TTC39B: variants seen among roughly 807,000 people sequenced by gnomAD.
The protein encoded by TTC39B is tetratricopeptide repeat protein 39B.
Under a neutral mutation model 96.6 loss-of-function variants are expected in TTC39B, and 92 were observed. The observed-to-expected ratio is 0.95, with a 90% confidence interval of 0.80 to 1.13. TTC39B has a LOEUF of 1.13. TTC39B is among the 50% of genes most tolerant of loss of function. The pLI is 0.00. For synonymous variants in TTC39B, 367 were observed against 299.4 expected (o/e 1.23, Z -2.33); for missense variants, 955 against 809.3 (o/e 1.18, Z -2.18).
chr9:15,265,555 A>G (rs1178431515), intron 2 of TTC39B, among the ~76,000 whole-genome samples: 1 of 152,176 alleles, frequency 6.6e-6, no homozygotes, highest in Non-Finnish European at 1.5e-5. Flanking sequence ...TAATTATAAG[A>G]TTTCTGAATG....
intron 17 of TTC39B, among the ~76,000 whole-genome samples, chr9:15,180,733 T>C (rs1483691610): frequency 6.6e-6 from 1 of 152,200 alleles, no homozygotes; most frequent in Non-Finnish European, 1.5e-5. Context: ...CTCTGAAGGA[T>C]AGGAGCTTAA....
chr9:15,233,122 T>A (rs1821522694), intron 2 of TTC39B, among the ~76,000 whole-genome samples: 1 of 152,136 alleles, frequency 6.6e-6, no homozygotes, highest in African/African-American at 2.4e-5. Flanking sequence ...AGCCTTCAGA[T>A]AACACCAGGG....
intron 2 of TTC39B, among the ~76,000 whole-genome samples, chr9:15,248,594 A>C (rs188919729): frequency 5.6e-5 from 8 of 144,078 alleles, no homozygotes; most frequent in African/African-American, 1.9e-4. Context: ...TAACAGATGT[A>C]AACATTTTTG....
intron 1 of TTC39B, among the ~76,000 whole-genome samples, chr9:15,280,818 G>C (rs1315222724): frequency 6.6e-6 from 1 of 152,192 alleles, no homozygotes; most frequent in Non-Finnish European, 1.5e-5. Flanking sequence ...GAGGAGTAAA[G>C]AATGCGAATG....
intron 1 of TTC39B, among the ~76,000 whole-genome samples, chr9:15,281,721 C>A (rs960118780): frequency 2.0e-5 from 3 of 150,044 alleles, no homozygotes; most frequent in Non-Finnish European, 2.9e-5. Flanking sequence ...CTGTCACTCA[C>A]GCTGGAGTGC....
At chr9:15,171,988 T>C (rs369412614) in exon 20 of TTC39B, 15 of 1,543,476 alleles carry the variant, frequency 9.7e-6, no homozygotes, top group African/African-American at 4.1e-5. Flanking sequence ...CCGATGCTAA[T>C]TGAGGAAAAA....
intron 2 of TTC39B, among the ~76,000 whole-genome samples, chr9:15,233,785 G>A (rs1354393214): frequency 6.6e-6 from 1 of 152,074 alleles, no homozygotes; most frequent in Non-Finnish European, 1.5e-5. Flanking sequence ...CACCCCGTCT[G>A]GGAAGTGAGG....
rs895113085 is a variant in TTC39B at position 15,213,770 on chromosome 9, C to G, written c.482+369G>C. ...TTAAATTTCTTAATAGCATTGAGAT[C>G]AGCATATTCTGGTTTTTCCCCTCCC... On this transcript the variant is annotated intron_variant, in intron 4 of 19. Coordinates refer to ENST00000512701, the Ensembl canonical transcript of TTC39B. 2.0e-5 allele frequency among the ~76,000 whole-genome samples: 3 copies of G among 152,266 alleles called. No individual in the cohort carries two copies. The South Asian group carries it at 6.2e-4, about 32-fold the overall frequency.
intron 2 of TTC39B, among the ~76,000 whole-genome samples, chr9:15,252,911 C>T (rs1256442098): frequency 6.6e-6 from 1 of 152,148 alleles, no homozygotes; most frequent in Non-Finnish European, 1.5e-5. Flanking sequence ...TTTCTGATCA[C>T]TAATAAAATA....
chr9:15,195,074 CCAAA>C (rs756311517), intron 8 of TTC39B, among the ~76,000 whole-genome samples: 1 of 152,190 alleles, frequency 6.6e-6, no homozygotes, highest in African/African-American at 2.4e-5. Context: ...GCCTCTTGTG[CCAAA>C]CAGTTAGTCA....
At chr9:15,259,907 G>A (rs1354235195) in intron 2 of TTC39B, among the ~76,000 whole-genome samples, 1 of 152,152 alleles carries the variant, frequency 6.6e-6, no homozygotes, top group Non-Finnish European at 1.5e-5. Context: ...GAGGGTGACA[G>A]AAATTAGATT....
At chr9:15,199,405 C>A (rs1306093106) in intron 8 of TTC39B, among the ~76,000 whole-genome samples, 1 of 152,008 alleles carries the variant, frequency 6.6e-6, no homozygotes, top group Admixed American at 6.6e-5. Context: ...ACACACTCAA[C>A]AAAAAATTAA....
chr9:15,300,891 C>CAAAAAA (rs71491658), intron 1 of TTC39B, among the ~76,000 whole-genome samples: 3 of 81,182 alleles, frequency 3.7e-5, no homozygotes, highest in Non-Finnish European at 4.9e-5. Flanking sequence ...AACTCCGTCT[C>CAAAAAA]AAAAAAAAAA....
intron 2 of TTC39B, among the ~76,000 whole-genome samples, chr9:15,227,635 G>C (rs1248933917): frequency 6.6e-6 from 1 of 152,094 alleles, no homozygotes; most frequent in Non-Finnish European, 1.5e-5. Flanking sequence ...AAGACTCTGG[G>C]CAGTGACCAT....
chr9:15,164,314 T>C (rs1178915649), exon 20 of TTC39B: 3 of 152,228 alleles, frequency 2.0e-5, no homozygotes, highest in Non-Finnish European at 2.9e-5. Context: ...CAGGTAGCTT[T>C]TATGATTCAA....
In TTC39B at chr9:15,267,967, A is replaced by C; in HGVS notation, c.241-19T>G. ...AAACGTCCTGGGGGAAATAAAAAAT[A>C]CAATGAGTTTCTCAAGAATTCTCAA... is the stretch of plus-strand genomic sequence containing the variant. On this transcript the variant is annotated intron_variant, in intron 1 of 19. Transcript: ENST00000512701. The C allele has an allele frequency of 6.2e-7, 1 of 1,608,238 alleles. No homozygotes were observed. The highest frequency in any genetic ancestry group is 2.2e-5 in the East Asian group (1 of 44,812).
At chr9:15,185,477 T>C (rs758213954) in intron 15 of TTC39B, 71 bp from the exon 16 acceptor site, 10 of 1,590,856 alleles carry the variant, frequency 6.3e-6, no homozygotes, top group Admixed American at 1.8e-5. Flanking sequence ...CCTGTGGTTT[T>C]CACAGTGAAC....
At chr9:15,239,214 G>C (rs984680176) in intron 2 of TTC39B, among the ~76,000 whole-genome samples, 6 of 151,878 alleles carry the variant, frequency 4.0e-5, no homozygotes, top group Non-Finnish European at 7.4e-5. Context: ...ACCACAATGA[G>C]ATATCATCTT....
intron 2 of TTC39B, among the ~76,000 whole-genome samples, chr9:15,233,941 A>G (rs1418439770): frequency 6.2e-5 from 9 of 144,558 alleles, no homozygotes; most frequent in African/African-American, 7.8e-5. Flanking sequence ...CATCCCATCT[A>G]GGAAGTGAGG....
Sources: allele counts gnomAD v4.1 joint callset (sites outside exome capture counted in the v4.1 genomes callset), GRCh38; gene constraint gnomAD v4.1.1; transcripts MANE v1.5; gene names NCBI Gene and HGNC (gene_info 2026-07-23, HGNC 2026-07-21).